The following LRRC2 variants were observed in gnomAD, a reference collection of about 807,000 sequenced individuals.
LRRC2 encodes the protein leucine rich repeat containing 2.
In LRRC2, 27 loss-of-function variants were observed where a neutral mutation model predicts 40.2. The observed-to-expected ratio is 0.67, with a 90% CI of 0.49 to 0.93. The LOEUF (loss-of-function observed/expected upper bound fraction) is 0.93. Among genes scored for constraint, LRRC2 ranks in the 40% least tolerant of loss-of-function variants. The pLI, the probability that LRRC2 is intolerant of heterozygous loss-of-function variation, is 0.00. For missense variants in LRRC2, 402 were observed against 439.6 expected, an observed-to-expected ratio of 0.91 and a Z score of 0.76; for synonymous variants, 147 against 158.9, an observed-to-expected ratio of 0.92 and a Z score of 0.56.
At chr3:46,519,629 A>G (rs1383879100) in intron 8 of LRRC2, among the ~76,000 whole-genome samples, 2 of 152,160 alleles carry the variant, frequency 1.3e-5, no homozygotes, top group Non-Finnish European at 2.9e-5. Context: ...CATCAACATC[A>G]CCAGCGAGCT....
intron 2 of LRRC2, among the ~76,000 whole-genome samples, chr3:46,550,377 CTTT>C (rs34602158): frequency 1.2e-5 from 1 of 84,018 alleles, no homozygotes; most frequent in Admixed American, 1.6e-4. Context: ...CCTTACACAT[CTTT>C]TTTTTTTTTT....
intron 1 of LRRC2, among the ~76,000 whole-genome samples, chr3:46,553,270 C>G (rs981465596): frequency 1.3e-5 from 2 of 151,702 alleles, no homozygotes; most frequent in African/African-American, 4.9e-5. Context: ...AGTAAAGTAA[C>G]TTTCTAGATA....
intron 1 of LRRC2, among the ~76,000 whole-genome samples, chr3:46,564,420 GA>G (rs1464635137): frequency 1.3e-5 from 2 of 151,700 alleles, no homozygotes; most frequent in Non-Finnish European, 2.9e-5. Context: ...ATGCCAGGGG[GA>G]GGGGGGGTTT....
chr3:46,532,898 T>C lies in LRRC2; in HGVS notation c.502A>G (p.Asn168Asp), dbSNP rs1704186638. The C allele has an allele frequency of 6.2e-7, 1 of 1,613,540 alleles. No homozygotes were observed. The highest frequency in any genetic ancestry group is 8.5e-7 in the Non-Finnish European group (1 of 1,179,862). The change falls in exon 5 of 9, where the codon AAC becomes GAC. Residue 168 changes from asparagine to aspartate, a missense_variant. Asn to Asp is a conservative substitution (Grantham distance 23). Transcript: ENST00000395905. ...AAACCCACATTGAGTTCTTTCAGGT[T>C]CTTCAAACAACCTGTCAGCAGAAAA... ...HLPAEIGCLK[N>D]LKELNVGFNY...
chr3:46,536,468 A>T (rs763529422), intron 4 of LRRC2, among the ~76,000 whole-genome samples: 10 of 152,196 alleles, frequency 6.6e-5, no homozygotes, highest in Non-Finnish European at 5.9e-5. Context: ...AAGAAACTGA[A>T]GAGCAGAGAG....
At chr3:46,559,843 A>C (rs1704896387) in intron 1 of LRRC2, 1 of 152,150 alleles carries the variant, frequency 6.6e-6, no homozygotes, top group Non-Finnish European at 1.5e-5. Flanking sequence ...CATGTTCACC[A>C]TTTTCCCTGT....
At chr3:46,548,972 C>A (rs1373430909) in intron 2 of LRRC2, among the ~76,000 whole-genome samples, 1 of 128,906 alleles carries the variant, frequency 7.8e-6, no homozygotes, top group Non-Finnish European at 1.7e-5. Context: ...TGCCCGCTTG[C>A]CCCCTGCACA....
chr3:46,521,206 T>C (rs746193386), intron 8 of LRRC2, among the ~76,000 whole-genome samples: 1 of 152,248 alleles, frequency 6.6e-6, no homozygotes, highest in Non-Finnish European at 1.5e-5. Context: ...CTTAGGATAC[T>C]ATTTTGTCAA....
At chr3:46,539,397 G>T (rs1457775915) in intron 3 of LRRC2, among the ~76,000 whole-genome samples, 196 bp from the exon 4 acceptor site, 1 of 152,134 alleles carries the variant, frequency 6.6e-6, no homozygotes. Flanking sequence ...CAGTATATTA[G>T]CCCTATTTCA....
At chr3:46,539,844 C>T (rs943816966) in intron 3 of LRRC2, among the ~76,000 whole-genome samples, 1 of 152,164 alleles carries the variant, frequency 6.6e-6, no homozygotes, top group Non-Finnish European at 1.5e-5. Flanking sequence ...AAGCAAGAAG[C>T]GTTTAAAGAC....
intron 2 of LRRC2, among the ~76,000 whole-genome samples, chr3:46,547,694 ATG>A (rs199681914): frequency 0.044 from 2,905 of 66,446 alleles, 89 homozygotes; most frequent in African/African-American, 0.14. Context: ...TATATAACAT[ATG>A]TGTGTGTGTA....
intron 8 of LRRC2, among the ~76,000 whole-genome samples, chr3:46,520,873 C>T (rs1389849662): frequency 6.6e-6 from 1 of 152,138 alleles, no homozygotes; most frequent in Non-Finnish European, 1.5e-5. Context: ...ATGCCTTTTT[C>T]CTGGGGAAGC....
intron 5 of LRRC2, among the ~76,000 whole-genome samples, chr3:46,530,619 T>C (rs899051091): frequency 6.6e-6 from 1 of 152,182 alleles, no homozygotes; most frequent in African/African-American, 2.4e-5. Context: ...AGGTCCACAT[T>C]GCTGGGGAGG....
intron 4 of LRRC2, among the ~76,000 whole-genome samples, chr3:46,534,893 T>C (rs889173092): frequency 2.1e-4 from 32 of 152,208 alleles, no homozygotes; most frequent in African/African-American, 7.7e-4. Context: ...AATCCTTTGT[T>C]CATTCCCACG....
intron 5 of LRRC2, 132 bp from the exon 6 acceptor site, chr3:46,530,182 A>G (rs923991719): frequency 2.9e-5 from 21 of 718,442 alleles, no homozygotes; most frequent in Non-Finnish European, 3.9e-5. Context: ...TCAATACAGT[A>G]TGTATTTTGA....
At chr3:46,526,145 G>T (rs2106984179) in intron 7 of LRRC2, among the ~76,000 whole-genome samples, 1 of 151,776 alleles carries the variant, frequency 6.6e-6, no homozygotes, top group East Asian at 1.9e-4. Context: ...GTAGAGACGG[G>T]GTTTCACCTT....
intron 3 of LRRC2, among the ~76,000 whole-genome samples, chr3:46,542,677 A>G (rs1469523743): frequency 1.3e-5 from 2 of 152,232 alleles, no homozygotes; most frequent in East Asian, 3.8e-4. Context: ...TCCATTTGAA[A>G]AAACAAACAG....
Position 46,551,579 on chromosome 3 carries a change from C to T in LRRC2, c.13G>A (p.Val5Met). The stretch of plus-strand genomic sequence containing the variant: ...ATGACAGAAATGTCGAAGACAACCA[C>T]TTTATGTCCCATTTTGGGAGCATGA... MGHK[V>M]VVFDISVIRA... is the part of the protein sequence containing the mutation. Residue 5 changes from valine (V) to methionine (M), a missense_variant, in exon 2 of 9, where the codon GTG becomes ATG. By Grantham distance (21) the Val-to-Met change is conservative. Transcript: ENST00000395905. The T allele has an allele frequency of 6.2e-7, 1 of 1,612,514 alleles. No homozygotes were observed. Among genetic ancestry groups the T allele is most frequent in the Non-Finnish European group, 8.5e-7 (1 of 1,179,554 alleles).
chr3:46,551,744 CA>C, intron 1 of LRRC2, 134 bp from the exon 2 acceptor site: 1 of 253,136 alleles, frequency 4.0e-6, no homozygotes. Context: ...TCAAGGATGA[CA>C]GTTTGCTTTT....
Sources: allele counts gnomAD v4.1 joint callset (sites outside exome capture counted in the v4.1 genomes callset), GRCh38; gene constraint gnomAD v4.1.1; transcripts MANE v1.5; gene names NCBI Gene and HGNC (gene_info 2026-07-23, HGNC 2026-07-21).